UGT1A9: variants seen among roughly 807,000 people sequenced by gnomAD.
UGT1A9 encodes UDP glucuronosyltransferase family 1 member A9.
UGT1A9 carries 35 observed loss-of-function variants against 45.0 expected under a neutral mutation model. That is an observed-to-expected ratio of 0.78 (90% CI 0.59 to 1.03). The LOEUF (loss-of-function observed/expected upper bound fraction) is 1.03. UGT1A9 is among the 50% of genes least tolerant of loss of function. The pLI is 0.00. For missense variants in UGT1A9, 687 were observed against 666.6 expected (o/e 1.03, Z -0.34); for synonymous variants, 278 against 250.6 (o/e 1.11, Z -1.03).
intron 1 of UGT1A9, chr2:233,744,108 T>G: frequency 2.5e-6 from 1 of 394,750 alleles, no homozygotes; most frequent in South Asian, 2.1e-5. Flanking sequence ...GGACTGGCCC[T>G]GCTCTCTGTG....
chr2:233,762,200 T>G (rs1698000508), intron 1 of UGT1A9, among the ~76,000 whole-genome samples: 1 of 152,188 alleles, frequency 6.6e-6, no homozygotes, highest in African/African-American at 2.4e-5. Flanking sequence ...TGGGTCTGCA[T>G]GTATTTGGCG....
intron 1 of UGT1A9, among the ~76,000 whole-genome samples, chr2:233,703,636 A>G (rs1485520646): frequency 2.0e-5 from 3 of 152,118 alleles, no homozygotes; most frequent in Admixed American, 2.0e-4. Context: ...TGATATTAGT[A>G]TAACCAATCT....
At chr2:233,741,949 G>A (rs188089498) in intron 1 of UGT1A9, 3 of 151,926 alleles carry the variant, frequency 2.0e-5, no homozygotes, top group Admixed American at 2.0e-4. Context: ...CAACAGAAAG[G>A]TACTTTCTTG....
At chr2:233,689,771 G>A (rs1359946569) in intron 1 of UGT1A9, 1 of 315,896 alleles carries the variant, frequency 3.2e-6, no homozygotes, top group Non-Finnish European at 6.3e-6. Flanking sequence ...AACAACTCGG[G>A]GACATATGTT....
chr2:233,758,057 A>G (rs1435615594), intron 1 of UGT1A9, among the ~76,000 whole-genome samples: 1 of 151,980 alleles, frequency 6.6e-6, no homozygotes, highest in Non-Finnish European at 1.5e-5. Context: ...ACCATTTCTA[A>G]CTTGACTTTC....
At chr2:233,763,682 G>T (rs17864705) in intron 1 of UGT1A9, among the ~76,000 whole-genome samples, 10,348 of 152,178 alleles carry the variant, frequency 0.068, 497 homozygotes, top group East Asian at 0.2. Context: ...TAAGAATAAA[G>T]ATAAAACTTT....
At chr2:233,719,115 G>A in intron 1 of UGT1A9, 1 of 1,614,244 alleles carries the variant, frequency 6.2e-7, no homozygotes, top group Non-Finnish European at 8.5e-7. Flanking sequence ...CTACACTCAA[G>A]GGTTCTTTGA....
rs974007570 is a variant in UGT1A9, at chr2:233,672,801, C to T, written c.855+12C>T. ...AGCCGTTGCCTATGGTAAGTTATCTCTCCTTTAGCACCTTAAGAATACTTC... is the reference window on the plus strand; with the variant it reads ...AGCCGTTGCCTATGGTAAGTTATCTTTCCTTTAGCACCTTAAGAATACTTC... On this transcript the variant is annotated intron_variant, in intron 1 of 4. Coordinates refer to ENST00000354728, the MANE Select transcript of UGT1A9 (RefSeq NM_021027.3). The T allele has an allele frequency of 3.1e-6, 5 of 1,611,850 alleles. No individual in the cohort carries two copies. Among genetic ancestry groups the T allele is most frequent in the Non-Finnish European group, 4.2e-6 (5 of 1,178,442 alleles).
chr2:233,679,382 C>A (rs142374480), intron 1 of UGT1A9, among the ~76,000 whole-genome samples: 38 of 152,142 alleles, frequency 2.5e-4, no homozygotes, highest in African/African-American at 8.0e-4. Flanking sequence ...GAGTGTTGAT[C>A]TTTTCCTTTC....
At position 233,693,043 on chromosome 2, in the gene UGT1A9, A is replaced by G. The variant is rs774480903; in HGVS notation, c.855+20254A>G. The G allele has an allele frequency of 2.2e-5, 36 of 1,614,048 alleles. No homozygotes were observed. In the Middle Eastern group the frequency reaches 4.9e-4, roughly 22 times the overall value. ...TTCGCTCATTTCAGAGAATTTCTGC[A>G]GGGGTTTTCTTCTTAGCACTTTGGG... On this transcript the variant is annotated intron_variant, in intron 1 of 4. Coordinates refer to ENST00000354728, the MANE Select transcript of UGT1A9 (RefSeq NM_021027.3).
chr2:233,743,440 G>C (rs192671736), intron 1 of UGT1A9: 1 of 1,361,822 alleles, frequency 7.3e-7, no homozygotes, highest in South Asian at 1.1e-5. Context: ...ACGAAATCCT[G>C]TATCAAAAGA....
At chr2:233,713,061 C>T (rs1420543594) in intron 1 of UGT1A9, 5 of 1,614,008 alleles carry the variant, frequency 3.1e-6, no homozygotes, top group East Asian at 2.2e-5. Context: ...CAGTGTCCAG[C>T]CCTGGGCTGA....
At chr2:233,717,412 CT>C (rs1379862017) in intron 1 of UGT1A9, among the ~76,000 whole-genome samples, 17 of 152,222 alleles carry the variant, frequency 1.1e-4, no homozygotes, top group African/African-American at 3.9e-4. Context: ...ATATGCCTCC[CT>C]TGAGCTGGGT....
chr2:233,754,495 A>T, intron 1 of UGT1A9: 1 of 357,368 alleles, frequency 2.8e-6, no homozygotes, highest in Non-Finnish European at 5.5e-6. Context: ...TCCTAAAAAA[A>T]GTCCGCTATT....
intron 1 of UGT1A9, among the ~76,000 whole-genome samples, chr2:233,678,379 G>C (rs1408396387): frequency 6.6e-6 from 1 of 152,118 alleles, no homozygotes; most frequent in African/African-American, 2.4e-5. Flanking sequence ...CCATTGAGTG[G>C]GCTGTGGAGG....
intron 1 of UGT1A9, among the ~76,000 whole-genome samples, chr2:233,706,235 G>A (rs2075896552): frequency 6.6e-6 from 1 of 152,250 alleles, no homozygotes; most frequent in African/African-American, 2.4e-5. Flanking sequence ...GTGCAGCTGG[G>A]AGAGTGAGAG....
chr2:233,700,892 T>G (rs1471650676), intron 1 of UGT1A9, among the ~76,000 whole-genome samples: 1 of 151,456 alleles, frequency 6.6e-6, no homozygotes, highest in African/African-American at 2.4e-5. Context: ...CCCACAACAG[T>G]CCCCGGTGTG....
intron 1 of UGT1A9, among the ~76,000 whole-genome samples, chr2:233,720,460 C>G (rs1575532860): frequency 6.6e-6 from 1 of 151,992 alleles, no homozygotes; most frequent in Non-Finnish European, 1.5e-5. Context: ...GAAGCTGGGA[C>G]CAGTGATGAA....
intron 1 of UGT1A9, among the ~76,000 whole-genome samples, chr2:233,695,073 G>C (rs1470813496): frequency 6.6e-6 from 1 of 151,628 alleles, no homozygotes; most frequent in Non-Finnish European, 1.5e-5. Flanking sequence ...TCGCACTTTG[G>C]ACTTACTCAT....
Sources: gnomAD v4.1 joint callset for allele counts (sites outside exome capture counted in the v4.1 genomes callset) on GRCh38, gnomAD v4.1.1 for gene constraint, MANE v1.5 for transcripts, NCBI Gene and HGNC (gene_info 2026-07-23, HGNC 2026-07-21) for gene names.